Variants in AMPD3 observed in about 807,000 individuals in gnomAD.
The protein encoded by AMPD3 is AMP deaminase 3.
Under a neutral mutation model 82.3 loss-of-function variants are expected in AMPD3, and 57 were observed. The observed-to-expected ratio is 0.69, with a 90% CI of 0.56 to 0.86. AMPD3 has a LOEUF of 0.86. AMPD3 is among the 40% of genes least tolerant of loss of function. The pLI, the probability that AMPD3 is intolerant of heterozygous loss-of-function variation, is 0.00. For synonymous variants in AMPD3, 381 were observed against 394.7 expected (o/e 0.97, Z 0.41); for missense variants, 870 against 1,003.8 (o/e 0.87, Z 1.80).
rs553768118 is a variant in AMPD3, at chr11:10,489,302, C to T, written c.939+1938C>T. Among the ~76,000 whole-genome samples the T allele has an allele frequency of 1.1e-4, 16 of 152,286 alleles. No homozygotes were observed. In the East Asian group the frequency reaches 3.1e-3, roughly 29 times the overall value. On this transcript the variant is annotated intron_variant, in intron 6 of 14. Transcript: ENST00000396553. The stretch of plus-strand genomic sequence containing the variant: ...CTTGCCCAGCCCGATGCAGCCCTGC[C>T]CTGAGCATACGTGAATGCTCTGGGC...
chr11:10,485,645 G>T (rs1849046234), intron 5 of AMPD3, among the ~76,000 whole-genome samples: 1 of 152,154 alleles, frequency 6.6e-6, no homozygotes, highest in South Asian at 2.1e-4. Context: ...CAGGACAGCA[G>T]CCTTGCAGAG....
chr11:10,489,935 C>T (rs1361681195), intron 6 of AMPD3, among the ~76,000 whole-genome samples: 1 of 152,186 alleles, frequency 6.6e-6, no homozygotes, highest in African/African-American at 2.4e-5. Context: ...CCTGCCTTGG[C>T]CTCCCAAAGT....
At position 10,495,024 on chromosome 11, in the gene AMPD3, G is replaced by C. The variant is rs1478851358; in HGVS notation, c.1260G>C (p.Met420Ile). 1.9e-6 allele frequency: 3 copies of C among 1,614,034 alleles called. No individual in the cohort carries two copies. The African/African-American group carries it at 4.0e-5, about 22-fold the overall frequency. ...NYLGGEYFAR[M>I]VKEVARELEE... ...TGGGAGGAGAGTACTTTGCTCGGAT[G>C]GTCAAGGTGAGTGAACCCTCAGTCT... Residue 420 changes from methionine (M) to isoleucine (I), a missense_variant, in exon 8 of 15, where the codon ATG becomes ATC. Transcript: ENST00000396553.
At chr11:10,480,232 G>A (rs1292319240) in intron 3 of AMPD3, among the ~76,000 whole-genome samples, 2 of 152,220 alleles carry the variant, frequency 1.3e-5, no homozygotes, top group African/African-American at 4.8e-5. Flanking sequence ...AGCTTGGCCG[G>A]TGGCCACGGG....
At chr11:10,491,656 T>C (rs945326225) in intron 6 of AMPD3, among the ~76,000 whole-genome samples, 5 of 152,110 alleles carry the variant, frequency 3.3e-5, no homozygotes, top group Non-Finnish European at 5.9e-5. Flanking sequence ...GTAGAACTGA[T>C]GAGACTCACT....
At chr11:10,492,294 C>A (rs1849260833) in intron 6 of AMPD3, among the ~76,000 whole-genome samples, 1 of 152,226 alleles carries the variant, frequency 6.6e-6, no homozygotes, top group African/African-American at 2.4e-5. Context: ...TGGCCTTGGG[C>A]CCCACAGCTT....
intron 6 of AMPD3, among the ~76,000 whole-genome samples, chr11:10,492,443 G>C (rs1246143915): frequency 6.6e-6 from 1 of 152,176 alleles, no homozygotes. Context: ...TTTAGTGTCT[G>C]TTCTTTTCAT....
chr11:10,473,046 G>A (rs1445251895), intron 2 of AMPD3, among the ~76,000 whole-genome samples: 1 of 152,038 alleles, frequency 6.6e-6, no homozygotes, highest in Non-Finnish European at 1.5e-5. Context: ...GAGGTGGGTG[G>A]ATCACTTGAG....
In AMPD3 at chr11:10,465,474, G is replaced by A. The variant is rs139946396; in HGVS notation, c.221+3734G>A. ...CCGGTCTGCAGCTCCCAGTGAGATC[G>A]ATGCAGAAGGGGGTGATTTCTGCAT... On this transcript the variant is annotated intron_variant, in intron 2 of 14. Transcript: ENST00000396553. 2.6e-3 allele frequency among the ~76,000 whole-genome samples: 393 copies of A among 152,358 alleles called. 2 individuals are homozygous for A. The highest frequency in any genetic ancestry group is 9.0e-3 in the African/African-American group (373 of 41,592).
At chr11:10,490,375 C>G in intron 6 of AMPD3, 2 of 562,856 alleles carry the variant, frequency 3.6e-6, no homozygotes, top group Non-Finnish European at 4.5e-6. Flanking sequence ...CTGTGCCAAA[C>G]CTGACCAATT....
At chr11:10,491,718 G>C (rs1457504274) in intron 6 of AMPD3, among the ~76,000 whole-genome samples, 1 of 152,174 alleles carries the variant, frequency 6.6e-6, no homozygotes, top group Admixed American at 6.5e-5. Flanking sequence ...TTTTCAGCAT[G>C]ACCAGCTGGA....
chr11:10,479,750 C>A, intron 3 of AMPD3: 1 of 285,936 alleles, frequency 3.5e-6, no homozygotes, highest in Non-Finnish European at 5.2e-6. Context: ...TTGCATTTTC[C>A]ACTTAACAAT....
At chr11:10,461,349 T>C (rs2133822932) in intron 1 of AMPD3, 166 bp from the exon 2 acceptor site, 1 of 1,590,296 alleles carries the variant, frequency 6.3e-7, no homozygotes, top group Non-Finnish European at 8.5e-7. Flanking sequence ...CAGTTACTTA[T>C]TGAGCTAATT....
intron 1 of AMPD3, among the ~76,000 whole-genome samples, chr11:10,459,270 T>C (rs1182276959): frequency 6.6e-6 from 1 of 152,176 alleles, no homozygotes; most frequent in Non-Finnish European, 1.5e-5. Flanking sequence ...CTCACTCTGA[T>C]TGCCTGTTGC....
At chr11:10,490,402 G>C (rs957015145) in intron 6 of AMPD3, 33 of 843,572 alleles carry the variant, frequency 3.9e-5, no homozygotes, top group Middle Eastern at 5.9e-4. Context: ...CACCCCTAAA[G>C]CTTAGTGAAA....
rs765826951 is a variant in AMPD3, at chr11:10,485,031, T to C, written c.801T>C (p.Asp267=). 3.7e-6 allele frequency: 6 copies of C among 1,613,284 alleles called. No homozygotes were observed. The Admixed American group carries it at 5.0e-5, about 13-fold the overall frequency. The change falls in exon 5 of 15, where the codon GAT becomes GAC. Residue 267 remains aspartate (D), a synonymous_variant. Coordinates refer to ENST00000396553, the MANE Select transcript of AMPD3 (RefSeq NM_001025389.2). ...DMSHILALIT[D]GPTKTYCHRR... The stretch of plus-strand genomic sequence containing the variant: ...GCCACATCCTGGCTCTCATCACCGA[T>C]GGCCCCACGTAAGCTAGCTTCTCCG...
chr11:10,478,213 C>A, intron 2 of AMPD3: 1 of 985,370 alleles, frequency 1.0e-6, no homozygotes, highest in Non-Finnish European at 1.2e-6. Flanking sequence ...GTTTTAGAGC[C>A]CCTGCCATGT....
rs147321717 is a variant in AMPD3 at position 10,461,434 on chromosome 11, G to A, written c.-5-81G>A. ...TGACCCCAAGTACCAGGTGGGCCTG[G>A]CCCTCACTTCAGTGCCTTCTCTTCC... On this transcript the variant is annotated intron_variant, in intron 1 of 14. Transcript: ENST00000396553. The A allele has an allele frequency of 3.7e-4, 596 of 1,608,554 alleles. 3 individuals carry two copies. The African/African-American group carries it at 7.3e-3, about 20-fold the overall frequency.
chr11:10,465,696 T>A (rs2133836953), intron 2 of AMPD3, among the ~76,000 whole-genome samples: 1 of 152,324 alleles, frequency 6.6e-6, no homozygotes, highest in South Asian at 2.1e-4. Flanking sequence ...ATACTGTGCT[T>A]TTCCCATGGT....
Sources: allele counts gnomAD v4.1 joint callset (sites outside exome capture counted in the v4.1 genomes callset), GRCh38; gene constraint gnomAD v4.1.1; transcripts MANE v1.5; gene names NCBI Gene and HGNC (gene_info 2026-07-23, HGNC 2026-07-21).